RANGRF: variants seen among roughly 807,000 people sequenced by gnomAD.
The protein encoded by RANGRF is MOG1 homolog.
Under a neutral mutation model 21.8 loss-of-function variants are expected in RANGRF, and 17 were observed. The ratio of observed to expected loss-of-function variants is 0.78; its 90% CI spans 0.53 to 1.17. The LOEUF (loss-of-function observed/expected upper bound fraction) is 1.17. Among genes scored for constraint, RANGRF ranks in the 50% most tolerant of loss-of-function variants. The pLI is 0.00. For missense variants in RANGRF, 225 were observed against 235.5 expected (o/e 0.96, Z 0.29); for synonymous variants, 97 against 94.3 (o/e 1.03, Z -0.17).
In RANGRF at chr17:8,289,306, T is replaced by C. The variant is rs1367344398; in HGVS notation, c.243T>C (p.His81=). 1.2e-6 allele frequency: 2 copies of C among 1,614,062 alleles called. No homozygotes were observed. The highest frequency in any genetic ancestry group is 1.1e-5 in the South Asian group (1 of 91,076). The stretch of plus-strand genomic sequence containing the variant: ...GCGTGCAGGGGGCTAGGGCTGTCCA[T>C]GTGGAGTCTGTTCAGCCTCTCAGTT... ...VGGVQGARAV[H]VESVQPLSLE... Residue 81 remains histidine (H), a synonymous_variant, in exon 3 of 5, where the codon CAT becomes CAC. Coordinates refer to ENST00000226105, the MANE Select transcript of RANGRF (RefSeq NM_016492.5).
At position 8,289,048 on chromosome 17, in the gene RANGRF, A is replaced by G; in HGVS notation, c.170A>G (p.His57Arg). 1 of 1,613,884 alleles carries G rather than the reference A, an allele frequency of 6.2e-7. No individual in the cohort carries two copies. Among genetic ancestry groups the G allele is most frequent in the Non-Finnish European group, 8.5e-7 (1 of 1,179,998 alleles). Residue 57 changes from histidine (H) to arginine (R), a missense_variant, in exon 2 of 5, where the codon CAC (histidine) becomes CGC (arginine). Transcript: ENST00000226105. The stretch of plus-strand genomic sequence containing the variant: ...GTGGAACTTCTCGAGCTGCAGGCCC[A>G]CGTACGGGGCGAAGCGGCTGCGCGG... Reference protein sequence around the residue: ...LIVELLELQAHVRGEAAARYH... With the variant: ...LIVELLELQARVRGEAAARYH...
chr17:8,289,942 C>G lies in RANGRF; in HGVS notation c.*6C>G. ...ACATCTTTGGTCCCCAGTAAAGGCG[C>G]TGAAGCACTGCATGATGTTGCTGAG... On this transcript the variant is annotated 3_prime_UTR_variant, in exon 5 of 5. Coordinates refer to ENST00000226105, the MANE Select transcript of RANGRF (RefSeq NM_016492.5). The G allele has an allele frequency of 6.2e-7, 1 of 1,614,176 alleles. No individual in the cohort carries two copies. Among genetic ancestry groups the G allele is most frequent in the African/African-American group, 1.3e-5 (1 of 75,034 alleles).
chr17:8,289,138 G>A, intron 2 of RANGRF, 66 bp downstream of exon 2: 1 of 1,601,992 alleles, frequency 6.2e-7, no homozygotes, highest in Non-Finnish European at 8.5e-7. Context: ...GGGGCCCGCG[G>A]CCGACGGTTA....
chr17:8,289,560 G>T lies in RANGRF; in HGVS notation c.409G>T (p.Asp137Tyr). 6.2e-7 allele frequency: 1 copy of T among 1,613,718 alleles called. No homozygotes were observed. The highest frequency in any genetic ancestry group is 8.5e-7 in the Non-Finnish European group (1 of 1,179,670). ...GCTGAGGCTGCCCCAGTACCAGACT[G>T]ATCTCTTGCTTACCTTCAATCAGCC... is the stretch of plus-strand genomic sequence containing the variant. ...ALLRLPQYQT[D>Y]LLLTFNQPPP... is the part of the protein sequence containing the mutation. The change falls in exon 4 of 5, where the codon GAT becomes TAT. Residue 137 changes from aspartate (D) to tyrosine (Y), a missense_variant. Physicochemically the swap from Asp to Tyr is radical, Grantham distance 160. Coordinates refer to ENST00000226105, the MANE Select transcript of RANGRF (RefSeq NM_016492.5).
At chr17:8,289,702 G>T (rs1396011096) in intron 4 of RANGRF, 111 bp from the exon 5 acceptor site, 1 of 1,612,006 alleles carries the variant, frequency 6.2e-7, no homozygotes, top group African/African-American at 1.3e-5. Context: ...GCAGGAGTGG[G>T]CCAGAGGTTT....
At position 8,289,718 on chromosome 17, in the gene RANGRF, A is replaced by C. The variant is rs1597442227; in HGVS notation, c.438-95A>C. 5 of 1,613,704 alleles carry C rather than the reference A, an allele frequency of 3.1e-6. No individual in the cohort carries two copies. In the South Asian group the frequency reaches 5.5e-5, roughly 18 times the overall value. ...CAGGAGTGGGCCAGAGGTTTGGGGT[A>C]ACTGATACCCAGGTCCTCTGGGGAA... On this transcript the variant is annotated intron_variant, in intron 4 of 4. Transcript: ENST00000226105.
chr17:8,289,370 T>A lies in RANGRF; in HGVS notation c.307T>A (p.Trp103Arg), dbSNP rs1990297915. The A allele has an allele frequency of 6.8e-6, 11 of 1,614,012 alleles. No homozygotes were observed. The highest frequency in any genetic ancestry group is 9.3e-6 in the Non-Finnish European group (11 of 1,180,016). Reference protein sequence around the residue: ...LALRGRCQEAWVLSGKQQIAK... With the variant: ...LALRGRCQEARVLSGKQQIAK... ...CCTGAGGGGCCGCTGTCAAGAAGCC[T>A]GGGTCCTCTCTGGCAAGCAGCAGAT... is the stretch of plus-strand genomic sequence containing the variant. The change falls in exon 3 of 5, where the codon TGG becomes AGG. Residue 103 changes from tryptophan to arginine, a missense_variant. By Grantham distance (101) the Trp-to-Arg change is moderately radical. Transcript: ENST00000226105.
intron 2 of RANGRF, 41 bp downstream of exon 2, chr17:8,289,113 G>C (rs751803347): frequency 1.4e-5 from 22 of 1,606,656 alleles, no homozygotes; most frequent in Non-Finnish European, 1.9e-5. Flanking sequence ...CAGGGGCGGG[G>C]TCGGACCAGT....
At position 8,288,851 on chromosome 17, in the gene RANGRF, G is replaced by T. The variant is rs1251245737; in HGVS notation, c.63G>T (p.Gly21=). ...GGAFSAILPM[G]AIDVSDLRPV... is the part of the protein sequence containing the mutation. ...CCTTTTCCGCCATCCTCCCCATGGGGGCCATTGACGTAAGGTGAGAAGGCC... is the reference window on the plus strand; with the variant it reads ...CCTTTTCCGCCATCCTCCCCATGGGTGCCATTGACGTAAGGTGAGAAGGCC... Residue 21 remains glycine, a synonymous_variant, in exon 1 of 5, where the codon GGG becomes GGT. Transcript: ENST00000226105. 6.2e-7 allele frequency: 1 copy of T among 1,614,106 alleles called. No homozygotes were observed. Among genetic ancestry groups the T allele is most frequent in the East Asian group, 2.2e-5 (1 of 44,900 alleles).
Position 8,289,268 on chromosome 17 carries a change from GA to G in RANGRF, c.206del (p.Glu69GlyfsTer27). The G allele has an allele frequency of 6.2e-7, 1 of 1,613,750 alleles. No homozygotes were observed. The highest frequency in any genetic ancestry group is 8.5e-7 in the Non-Finnish European group (1 of 1,180,024). On this transcript the variant is annotated frameshift_variant, in exon 3 of 5. Coordinates refer to ENST00000226105, the MANE Select transcript of RANGRF (RefSeq NM_016492.5). LOFTEE classifies it high-confidence loss of function. ...RGEAAARYHF[E>X]DVGGVQGARA... ...GCTTCCCTACTCCAGGTACCACTTTGAGGATGTTGGTGGCGTGCAGGGGGCT... is the reference window on the plus strand; with the variant it reads ...GCTTCCCTACTCCAGGTACCACTTTGGGATGTTGGTGGCGTGCAGGGGGCT...
In RANGRF at chr17:8,289,976, G is replaced by A; in HGVS notation, c.*40G>A. On this transcript the variant is annotated 3_prime_UTR_variant, in exon 5 of 5. Coordinates refer to ENST00000226105, the MANE Select transcript of RANGRF (RefSeq NM_016492.5). ...TGCATGATGTTGCTGAGAACTTGGG[G>A]ACTCGGTTCTGTGAGGGGGAAAAGA... 1 of 1,612,998 alleles carries A rather than the reference G, an allele frequency of 6.2e-7. No individual in the cohort carries two copies. The highest frequency in any genetic ancestry group is 8.5e-7 in the Non-Finnish European group (1 of 1,179,034).
Position 8,289,354 on chromosome 17 carries a change from C to T in RANGRF, c.291C>T (p.Gly97=), listed in dbSNP as rs1055325630. The T allele has an allele frequency of 1.2e-6, 2 of 1,614,016 alleles. No individual in the cohort carries two copies. The highest frequency in any genetic ancestry group is 1.3e-5 in the African/African-American group (1 of 74,904). The change falls in exon 3 of 5, where the codon GGC becomes GGT. Residue 97 remains glycine, a synonymous_variant. Transcript: ENST00000226105. ...PLSLENLALR[G]RCQEAWVLSG... ...GTTTGGAGAACCTGGCCCTGAGGGG[C>T]CGCTGTCAAGAAGCCTGGGTCCTCT... is the stretch of plus-strand genomic sequence containing the variant.
chr17:8,289,709 G>A, intron 4 of RANGRF, 104 bp from the exon 5 acceptor site: 1 of 1,613,292 alleles, frequency 6.2e-7, no homozygotes. Context: ...TGGGCCAGAG[G>A]TTTGGGGTAA....
intron 2 of RANGRF, 41 bp from the exon 3 acceptor site, chr17:8,289,217 G>C (rs1451874705): frequency 6.2e-7 from 1 of 1,609,738 alleles, no homozygotes; most frequent in Non-Finnish European, 8.5e-7. Context: ...CCGGGGAGGC[G>C]ACCAGAGATG....
In RANGRF at chr17:8,289,873, T is replaced by A; in HGVS notation, c.498T>A (p.Gly166=). 1 of 1,614,130 alleles carries A rather than the reference T, an allele frequency of 6.2e-7. No individual in the cohort carries two copies. Among genetic ancestry groups the A allele is most frequent in the South Asian group, 1.1e-5 (1 of 91,072 alleles). Residue 166 remains glycine, a synonymous_variant, in exon 5 of 5, where the codon GGT becomes GGA. Coordinates refer to ENST00000226105, the MANE Select transcript of RANGRF (RefSeq NM_016492.5). The part of the protein sequence containing the change: ...ENLSPAPWSL[G]DFEQLVTSLT... ...TGTCACCTGCACCCTGGAGCCTGGG[T>A]GACTTTGAACAGCTGGTGACCAGTC... is the stretch of plus-strand genomic sequence containing the variant.
chr17:8,289,185 G>C, intron 2 of RANGRF, 73 bp from the exon 3 acceptor site: 2 of 1,603,348 alleles, frequency 1.2e-6, no homozygotes, highest in East Asian at 2.2e-5. Context: ...CCGGGAGCCA[G>C]GCCTGCAACT....
chr17:8,288,919 A>G (rs761676470), intron 1 of RANGRF, 37 bp from the exon 2 acceptor site: 6 of 1,613,822 alleles, frequency 3.7e-6, no homozygotes, highest in Non-Finnish European at 4.2e-6. Flanking sequence ...GTGGGAAGAG[A>G]CCGGGGTCAA....
chr17:8,289,825 G>A lies in RANGRF; in HGVS notation c.450G>A (p.Arg150=). ...LTFNQPPPDN[R]SSLGPENLSP... is the part of the protein sequence containing the mutation. ...CCCCCACCCCAAGCCCTGACAACAGGTCATCTCTTGGCCCCGAAAATCTGT... is the reference window on the plus strand; with the variant it reads ...CCCCCACCCCAAGCCCTGACAACAGATCATCTCTTGGCCCCGAAAATCTGT... Residue 150 remains arginine, a synonymous_variant, in exon 5 of 5, where the codon AGG becomes AGA. Coordinates refer to ENST00000226105, the MANE Select transcript of RANGRF (RefSeq NM_016492.5). 2.5e-6 allele frequency: 4 copies of A among 1,613,958 alleles called. No homozygotes were observed. The highest frequency in any genetic ancestry group is 3.4e-6 in the Non-Finnish European group (4 of 1,180,032).
intron 2 of RANGRF, 57 bp downstream of exon 2, chr17:8,289,129 G>A (rs1480110643): frequency 1.9e-6 from 3 of 1,604,016 alleles, no homozygotes; most frequent in Admixed American, 3.3e-5. Flanking sequence ...CCAGTGGGCG[G>A]GGCCCGCGGC....
Sources: allele counts gnomAD v4.1 joint callset, GRCh38; gene constraint gnomAD v4.1.1; transcripts MANE v1.5; gene names NCBI Gene and HGNC (gene_info 2026-07-23, HGNC 2026-07-21).